The following MYO16 variants were observed in gnomAD, a reference collection of about 807,000 sequenced individuals.
The protein encoded by MYO16 is unconventional myosin-XVI.
Under a neutral mutation model 205.3 loss-of-function variants are expected in MYO16, and 94 were observed. The observed-to-expected ratio is 0.46, with a 90% CI of 0.39 to 0.54. The LOEUF (loss-of-function observed/expected upper bound fraction) is 0.54, where lower values mean the gene tolerates loss of function less well. Ranked by LOEUF, MYO16 falls within the 20% of genes least tolerant of loss-of-function variation. The pLI is 0.00. For missense variants in MYO16, 2,315 were observed against 2,387.5 expected (o/e 0.97, Z 0.63); for synonymous variants, 988 against 954.0 (o/e 1.04, Z -0.66).
chr13:109,189,740 T>C (rs951929617), intron 34 of MYO16, among the ~76,000 whole-genome samples: 3 of 152,226 alleles, frequency 2.0e-5, no homozygotes. Flanking sequence ...TTTCTGTTGC[T>C]CTCCTTCATT....
chr13:108,596,350 T>C (rs534270320), intron 1 of MYO16: 1 of 152,162 alleles, frequency 6.6e-6, no homozygotes, highest in African/African-American at 2.4e-5. Flanking sequence ...GTTTTAACTT[T>C]AAAATGTGCA....
At chr13:109,109,665 A>G (rs1889224921) in intron 28 of MYO16, among the ~76,000 whole-genome samples, 1 of 150,240 alleles carries the variant, frequency 6.7e-6, no homozygotes. Context: ...ATCTCTTTTA[A>G]AACCAAAATA....
intron 16 of MYO16, among the ~76,000 whole-genome samples, chr13:108,930,939 A>G (rs1419312350): frequency 1.3e-5 from 2 of 152,224 alleles, no homozygotes; most frequent in Non-Finnish European, 2.9e-5. Flanking sequence ...TTAAATAGAT[A>G]AATGGAAATA....
the MYO16 span, among the ~76,000 whole-genome samples, chr13:108,562,083 A>T: frequency 6.6e-6 from 1 of 152,216 alleles, no homozygotes; most frequent in East Asian, 1.9e-4. Flanking sequence ...TGGACTTTAT[A>T]GTCAATACAA....
At chr13:108,644,368 CTAT>C (rs1880647087) in intron 1 of MYO16, among the ~76,000 whole-genome samples, 1 of 43,962 alleles carries the variant, frequency 2.3e-5, no homozygotes, top group Non-Finnish European at 5.7e-5. Flanking sequence ...GTCTGTCTAT[CTAT>C]CTATCTATCT....
At chr13:108,852,235 C>A (rs1031390290) in intron 10 of MYO16, among the ~76,000 whole-genome samples, 1 of 152,218 alleles carries the variant, frequency 6.6e-6, no homozygotes, top group Non-Finnish European at 1.5e-5. Flanking sequence ...CCCAGCCCCC[C>A]AGTAGGGGAA....
intron 1 of MYO16, among the ~76,000 whole-genome samples, chr13:108,652,964 A>G (rs554679682): frequency 5.4e-4 from 82 of 152,328 alleles, no homozygotes; most frequent in Non-Finnish European, 1.1e-3. Context: ...AGAATACTCC[A>G]AACTGTTTTT....
At chr13:109,115,325 G>T (rs1210270632) in intron 28 of MYO16, among the ~76,000 whole-genome samples, 2 of 139,412 alleles carry the variant, frequency 1.4e-5, no homozygotes, top group Non-Finnish European at 3.1e-5. Context: ...TGACAATTTT[G>T]TTTAATCTTT....
chr13:109,207,112 G>A lies in MYO16; in HGVS notation c.*276G>A, dbSNP rs184297071. On this transcript the variant is annotated 3_prime_UTR_variant, in exon 35 of 35. Coordinates refer to ENST00000457511, the MANE Select transcript of MYO16 (RefSeq NM_001198950.3). ...TGCTACCCCTAGGTAGCAAGAGAGA[G>A]GCTGGGAAAAGTGTGGACGTGGCCA... is the stretch of plus-strand genomic sequence containing the variant. The A allele has an allele frequency of 3.3e-4, 135 of 409,238 alleles. No homozygotes were observed. Among genetic ancestry groups the A allele is most frequent in the African/African-American group, 2.1e-3 (105 of 50,176 alleles). The allele number at this position is 409,238 out of a possible 1,614,324, so 25.4% of individuals were successfully genotyped here.
intron 4 of MYO16, among the ~76,000 whole-genome samples, chr13:108,749,560 G>A (rs1428336359): frequency 6.6e-6 from 1 of 152,124 alleles, no homozygotes; most frequent in Admixed American, 6.6e-5. Flanking sequence ...ATTAAAACAA[G>A]ATCCAGTACC....
intron 12 of MYO16, among the ~76,000 whole-genome samples, chr13:108,868,232 G>A (rs117064073): frequency 2.6e-5 from 4 of 152,236 alleles, no homozygotes; most frequent in Non-Finnish European, 5.9e-5. Flanking sequence ...AATTTTCTGC[G>A]TGGTTGTACT....
At chr13:108,894,682 C>T (rs1170980978) in intron 14 of MYO16, among the ~76,000 whole-genome samples, 1 of 152,146 alleles carries the variant, frequency 6.6e-6, no homozygotes, top group Non-Finnish European at 1.5e-5. Context: ...CCTCATTTGG[C>T]CCATCTTAAA....
chr13:109,046,104 C>T (rs1214084642), intron 23 of MYO16, among the ~76,000 whole-genome samples: 1 of 152,232 alleles, frequency 6.6e-6, no homozygotes. Flanking sequence ...TTGTTGCTCA[C>T]TCTTGCTCAG....
intron 9 of MYO16, among the ~76,000 whole-genome samples, chr13:108,843,002 C>A (rs950714101): frequency 6.6e-6 from 1 of 151,966 alleles, no homozygotes; most frequent in Non-Finnish European, 1.5e-5. Context: ...AGACACAGAC[C>A]GACAAATATT....
At chr13:108,529,428 G>A in the MYO16 span, among the ~76,000 whole-genome samples, 2 of 152,018 alleles carry the variant, frequency 1.3e-5, no homozygotes, top group East Asian at 3.9e-4. Context: ...TTACTAAAGT[G>A]GTCTCTTTTG....
intron 16 of MYO16, among the ~76,000 whole-genome samples, chr13:108,914,132 T>G (rs1373036433): frequency 1.3e-5 from 2 of 149,304 alleles, no homozygotes; most frequent in Non-Finnish European, 3.0e-5. Context: ...TGTTAATATA[T>G]GTATTATATA....
chr13:108,657,936 C>CCTTTCATT (rs1390331189), intron 1 of MYO16, among the ~76,000 whole-genome samples: 1 of 152,026 alleles, frequency 6.6e-6, no homozygotes. Context: ...AATAAGCCAC[C>CCTTTCATT]CTTTCATTCT....
At chr13:109,157,838 C>T (rs945853780) in intron 32 of MYO16, among the ~76,000 whole-genome samples, 4 of 152,184 alleles carry the variant, frequency 2.6e-5, no homozygotes, top group African/African-American at 9.7e-5. Context: ...TTCTTCTATA[C>T]CCCTCAGGAT....
At chr13:108,642,473 C>T (rs1387753220) in intron 1 of MYO16, among the ~76,000 whole-genome samples, 1 of 152,132 alleles carries the variant, frequency 6.6e-6, no homozygotes, top group Non-Finnish European at 1.5e-5. Context: ...GATGAAGTCT[C>T]GCTCTGTCAC....
Sources: gnomAD v4.1 joint callset for allele counts (sites outside exome capture counted in the v4.1 genomes callset) on GRCh38, gnomAD v4.1.1 for gene constraint, MANE v1.5 for transcripts, NCBI Gene and HGNC (gene_info 2026-07-23, HGNC 2026-07-21) for gene names.